The following NKX2-5 variants were observed in gnomAD, a reference collection of about 807,000 sequenced individuals.
The protein encoded by NKX2-5 is NK2 homeobox 5.
In NKX2-5, 3 loss-of-function variants were observed where a neutral mutation model predicts 24.5. That is an observed-to-expected ratio of 0.12 (90% CI 0.06 to 0.32). The LOEUF (loss-of-function observed/expected upper bound fraction) is 0.32, where lower values mean the gene tolerates loss of function less well. Ranked by LOEUF, NKX2-5 falls within the 10% of genes least tolerant of loss-of-function variation. NKX2-5 has a pLI of 1.00. For synonymous variants in NKX2-5, 215 were observed against 217.6 expected (o/e 0.99, Z 0.11); for missense variants, 429 against 452.4 (o/e 0.95, Z 0.47).
In NKX2-5 at chr5:173,234,130, G is replaced by A. The variant is rs965453240; in HGVS notation, c.334+620C>T. The stretch of plus-strand genomic sequence containing the variant: ...GGAACCTCTCCGCCCTGGCCGCGCC[G>A]GCAAGTTGTGCTGAAAAAATAAAGT... On this transcript the variant is annotated intron_variant, in intron 1 of 1. Transcript: ENST00000329198. 1.6e-5 allele frequency: 21 copies of A among 1,289,064 alleles called. No individual in the cohort carries two copies. The Middle Eastern group carries it at 6.4e-4, about 39-fold the overall frequency. 79.9% of individuals were successfully genotyped at this position (1,289,064 alleles called of 1,614,324 possible). A position where few individuals can be genotyped will look rare whatever the true frequency, so the allele number is the denominator to read the frequency against.
chr5:173,232,117 C>G lies in NKX2-5; in HGVS notation c.*452G>C, dbSNP rs1278057042. 2.8e-5 allele frequency: 5 copies of G among 176,054 alleles called. No individual in the cohort carries two copies. The highest frequency in any genetic ancestry group is 4.8e-5 in the Non-Finnish European group (4 of 83,416). 10.9% of individuals were successfully genotyped at this position (176,054 alleles called of 1,614,324 possible). A position where few individuals can be genotyped will look rare whatever the true frequency, so the allele number is the denominator to read the frequency against. On this transcript the variant is annotated 3_prime_UTR_variant, in exon 2 of 2. Coordinates refer to ENST00000329198, the MANE Select transcript of NKX2-5 (RefSeq NM_004387.4). The surrounding 1 kb of genome is among the most constrained non-coding windows in gnomAD (Gnocchi z 5.9). ...GAAGCACACGTGCGGGGTCAACGCA[C>G]TCTCTTTAATGGGAAGGGGATCGTC...
At chr5:173,234,269 T>G in intron 1 of NKX2-5, 1 of 1,204,260 alleles carries the variant, frequency 8.3e-7, no homozygotes, top group South Asian at 1.5e-5. Flanking sequence ...GGGTCGTGGG[T>G]GGGCTGCAGA....
chr5:173,233,521 A>AAT (rs1554093580), intron 1 of NKX2-5: 2 of 600,760 alleles, frequency 3.3e-6, no homozygotes, highest in African/African-American at 5.4e-5. Flanking sequence ...AAAAAAAAAT[A>AAT]AATAAAAAAA....
At chr5:173,233,483 G>T in intron 1 of NKX2-5, 1 of 1,167,742 alleles carries the variant, frequency 8.6e-7, no homozygotes, top group Non-Finnish European at 1.2e-6. Flanking sequence ...GGAGACAGAC[G>T]GTGACTTAAA....
chr5:173,233,360 C>T (rs1268348426), intron 1 of NKX2-5, 151 bp from the exon 2 acceptor site: 7 of 1,536,862 alleles, frequency 4.6e-6, no homozygotes, highest in African/African-American at 1.4e-5. Context: ...GCCAAGTGCA[C>T]TGGGAGCCAC....
intron 1 of NKX2-5, 65 bp downstream of exon 1, chr5:173,234,685 C>A (rs942247119): frequency 7.3e-7 from 1 of 1,364,684 alleles, no homozygotes; most frequent in Non-Finnish European, 9.7e-7. Flanking sequence ...CTCCTCCTGG[C>A]CCTGAGTTTC....
Position 173,234,703 on chromosome 5 carries a change from C to T in NKX2-5, c.334+47G>A, listed in dbSNP as rs763913286. On this transcript the variant is annotated intron_variant, in intron 1 of 1. Coordinates refer to ENST00000329198, the MANE Select transcript of NKX2-5 (RefSeq NM_004387.4). ...CTCCTGGCCCTGAGTTTCTTGGGGA[C>T]GAAAGCGACCCAGGAGGGGAGAAGG... 4 of 1,442,264 alleles carry T rather than the reference C, an allele frequency of 2.8e-6. No individual in the cohort carries two copies. The African/African-American group carries it at 6.0e-5, about 21-fold the overall frequency. The allele number at this position is 1,442,264 out of a possible 1,614,324, so 89.3% of individuals were successfully genotyped here. A position where few individuals can be genotyped will look rare whatever the true frequency, so the allele number is the denominator to read the frequency against.
At position 173,232,692 on chromosome 5, in the gene NKX2-5, G is replaced by C. The variant is rs374150672; in HGVS notation, c.852C>G (p.Ala284=). 2.3e-4 allele frequency: 369 copies of C among 1,610,602 alleles called. 1 individual carries two copies. Among genetic ancestry groups the C allele is most frequent in the Non-Finnish European group, 2.9e-4 (346 of 1,178,128 alleles). ...CGAAGTTGTTGTTGGCGGCGGCAGT[G>C]GCCGGCTGCGCTGGGGAAGGCCCGG... is the stretch of plus-strand genomic sequence containing the variant. ...YPAGPSPAQP[A]TAAANNNFVN... The change falls in exon 2 of 2, where the codon GCC becomes GCG. Residue 284 remains alanine, a synonymous_variant. Coordinates refer to ENST00000329198, the MANE Select transcript of NKX2-5 (RefSeq NM_004387.4). This position sits in a 1 kb window ranked among gnomAD's most constrained non-coding sequence, Gnocchi z 5.9.
At position 173,234,847 on chromosome 5, in the gene NKX2-5, C is replaced by A. The variant is rs72554029; in HGVS notation, c.237G>T (p.Pro79=). The A allele has an allele frequency of 3.0e-5, 47 of 1,588,614 alleles. No individual in the cohort carries two copies. Among genetic ancestry groups the A allele is most frequent in the Non-Finnish European group, 3.6e-5 (42 of 1,169,858 alleles). Residue 79 remains proline (P), a synonymous_variant, in exon 1 of 2, where the codon CCG becomes CCT. Coordinates refer to ENST00000329198, the MANE Select transcript of NKX2-5 (RefSeq NM_004387.4). ...LRAELGRAPS[P]AKCASAFPAA... is the part of the protein sequence containing the mutation. ...CGGGAAAGGCAGACGCACACTTGGC[C>A]GGTGAAGGCGCGCGGCCCAGCTCTG...
At position 173,232,888 on chromosome 5, in the gene NKX2-5, G is replaced by A. The variant is rs104893902; in HGVS notation, c.656C>T (p.Ala219Val). ...PPPPPPARRI[A>V]VPVLVRDGKP... ...GCCATCGCGCACCAGCACTGGCACC[G>A]CGATCCTGCGGGCAGGCGGCGGCGG... Residue 219 changes from alanine (A) to valine (V), a missense_variant, in exon 2 of 2, where the codon GCG (alanine) becomes GTG (valine). By Grantham distance (64) the Ala-to-Val change is moderately conservative. Coordinates refer to ENST00000329198, the MANE Select transcript of NKX2-5 (RefSeq NM_004387.4). This position sits in a 1 kb window ranked among gnomAD's most constrained non-coding sequence, Gnocchi z 5.9. The A allele has an allele frequency of 8.7e-6, 14 of 1,609,332 alleles. No homozygotes were observed. Among genetic ancestry groups the A allele is most frequent in the Non-Finnish European group, 1.2e-5 (14 of 1,178,508 alleles).
In NKX2-5 at chr5:173,232,887, C is replaced by G. The variant is rs990341478; in HGVS notation, c.657G>C (p.Ala219=). The G allele has an allele frequency of 2.5e-6, 4 of 1,609,422 alleles. 1 individual carries two copies. In the South Asian group the frequency reaches 3.3e-5, roughly 13 times the overall value. The stretch of plus-strand genomic sequence containing the variant: ...TGCCATCGCGCACCAGCACTGGCAC[C>G]GCGATCCTGCGGGCAGGCGGCGGCG... The part of the protein sequence containing the change: ...PPPPPPARRI[A]VPVLVRDGKP... Residue 219 remains alanine (A), a synonymous_variant, in exon 2 of 2, where the codon GCG becomes GCC. Transcript: ENST00000329198. This position sits in a 1 kb window ranked among gnomAD's most constrained non-coding sequence, Gnocchi z 5.9.
intron 1 of NKX2-5, among the ~76,000 whole-genome samples, chr5:173,234,441 A>G (rs1160624622): frequency 6.6e-6 from 1 of 152,220 alleles, no homozygotes. Context: ...TCTGTCTACC[A>G]TAAACCGATT....
rs1398110608 is a variant in NKX2-5 at position 173,232,239 on chromosome 5, G to A, written c.*330C>T. 1.9e-5 allele frequency: 7 copies of A among 363,080 alleles called. No individual in the cohort carries two copies. The highest frequency in any genetic ancestry group is 3.5e-5 in the Non-Finnish European group (7 of 199,942). The allele number at this position is 363,080 out of a possible 1,614,324, so 22.5% of individuals were successfully genotyped here. ...GCCCGGGCGCCCGGCCCTGGCTCGC[G>A]GAATGGGCGGCCAGATCTCAGGCCC... On this transcript the variant is annotated 3_prime_UTR_variant, in exon 2 of 2. Transcript: ENST00000329198. This position sits in a 1 kb window ranked among gnomAD's most constrained non-coding sequence, Gnocchi z 5.9.
In NKX2-5 at chr5:173,232,750, C is replaced by T; in HGVS notation, c.794G>A (p.Ser265Asn). The part of the protein sequence containing the change: ...AYPGYGGAAC[S>N]PGYSCTAAYP... ...AGCGGCAGTGCAGCTGTAGCCAGGG[C>T]TGCAGGCCGCGCCGCCGTAACCCGG... Residue 265 changes from serine (S) to asparagine (N), a missense_variant, in exon 2 of 2, where the codon AGC (serine) becomes AAC (asparagine). By Grantham distance (46) the Ser-to-Asn change is conservative. Transcript: ENST00000329198. The surrounding 1 kb of genome is among the most constrained non-coding windows in gnomAD (Gnocchi z 5.9). The T allele has an allele frequency of 6.2e-7, 1 of 1,604,314 alleles. No individual in the cohort carries two copies. Among genetic ancestry groups the T allele is most frequent in the Non-Finnish European group, 8.5e-7 (1 of 1,175,680 alleles).
In NKX2-5 at chr5:173,232,799, C is replaced by A; in HGVS notation, c.745G>T (p.Gly249Cys). 1 of 1,611,776 alleles carries A rather than the reference C, an allele frequency of 6.2e-7. No individual in the cohort carries two copies. Among genetic ancestry groups the A allele is most frequent in the Non-Finnish European group, 8.5e-7 (1 of 1,179,464 alleles). Residue 249 changes from glycine (G) to cysteine (C), a missense_variant, in exon 2 of 2, where the codon GGT (glycine) becomes TGT (cysteine). Transcript: ENST00000329198. This position sits in a 1 kb window ranked among gnomAD's most constrained non-coding sequence, Gnocchi z 5.9. ...PAYGVGLNPY[G>C]YNAYPAYPGY... ...GGATAGGCGGGGTAGGCGTTATAAC[C>A]GTAGGGATTGAGGCCCACGCCGTAG...
At chr5:173,234,000 G>C in intron 1 of NKX2-5, 2 of 1,258,052 alleles carry the variant, frequency 1.6e-6, no homozygotes, top group Non-Finnish European at 2.1e-6. Context: ...CAGCGGGGCC[G>C]GCCTCCCTCC....
rs977410059 is a variant in NKX2-5 at position 173,232,384 on chromosome 5, G to T, written c.*185C>A. On this transcript the variant is annotated 3_prime_UTR_variant, in exon 2 of 2. Coordinates refer to ENST00000329198, the MANE Select transcript of NKX2-5 (RefSeq NM_004387.4). This position sits in a 1 kb window ranked among gnomAD's most constrained non-coding sequence, Gnocchi z 5.9. The stretch of plus-strand genomic sequence containing the variant: ...ATCACTCATTGCACGCTGCATAATC[G>T]CCGCCACAAACTCTCCCGTGCGCAA... 1.8e-6 allele frequency: 2 copies of T among 1,126,572 alleles called. No homozygotes were observed. The highest frequency in any genetic ancestry group is 1.6e-5 in the African/African-American group (1 of 64,310). 69.8% of individuals were successfully genotyped at this position (1,126,572 alleles called of 1,614,324 possible). A position where few individuals can be genotyped will look rare whatever the true frequency, so the allele number is the denominator to read the frequency against.
chr5:173,234,678 C>G, intron 1 of NKX2-5, 72 bp downstream of exon 1: 1 of 1,331,228 alleles, frequency 7.5e-7, no homozygotes, highest in Non-Finnish European at 1.0e-6. Flanking sequence ...GTGTCTCCTC[C>G]TCCTGGCCCT....
In NKX2-5 at chr5:173,232,849, C is replaced by G. The variant is rs759339072; in HGVS notation, c.695G>C (p.Gly232Ala). 5.6e-6 allele frequency: 9 copies of G among 1,611,832 alleles called. No individual in the cohort carries two copies. The South Asian group carries it at 9.9e-5, about 18-fold the overall frequency. ...VLVRDGKPCL[G>A]DSAPYAPAYG... Reference sequence around the variant, plus strand: ...GGCAGGCGCGTAGGGCGCCGAGTCCCCTAGGCATGGCTTGCCATCGCGCAC... The same window carrying G: ...GGCAGGCGCGTAGGGCGCCGAGTCCGCTAGGCATGGCTTGCCATCGCGCAC... The change falls in exon 2 of 2, where the codon GGG becomes GCG. Residue 232 changes from glycine (G) to alanine (A), a missense_variant. Coordinates refer to ENST00000329198, the MANE Select transcript of NKX2-5 (RefSeq NM_004387.4). The surrounding 1 kb of genome is among the most constrained non-coding windows in gnomAD (Gnocchi z 5.9).
Sources: gnomAD v4.1 joint callset for allele counts (sites outside exome capture counted in the v4.1 genomes callset) on GRCh38, gnomAD v4.1.1 for gene constraint, Gnocchi (gnomAD v3.1) non-coding constraint, MANE v1.5 for transcripts, NCBI Gene and HGNC (gene_info 2026-07-23, HGNC 2026-07-21) for gene names.